Variants in CMC2 observed in about 807,000 individuals in gnomAD.
CMC2 encodes C-X9-C motif containing 2.
CMC2 carries 5 observed loss-of-function variants against 7.5 expected under a neutral mutation model. That is an observed-to-expected ratio of 0.66 (90% confidence interval 0.35 to 1.40). CMC2 has a LOEUF of 1.40. Among genes scored for constraint, CMC2 ranks in the 40% most tolerant of loss-of-function variants. The pLI is 0.04. For missense variants in CMC2, 115 were observed against 92.3 expected (o/e 1.25, Z -1.01); for synonymous variants, 37 against 31.4 (o/e 1.18, Z -0.60).
At chr16:80,996,924 A>G (rs1198672881) in intron 2 of CMC2, 3 of 391,704 alleles carry the variant, frequency 7.7e-6, no homozygotes, top group South Asian at 5.7e-5. Flanking sequence ...TTCTATTACC[A>G]TTAAACACAG....
chr16:80,994,897 G>A (rs1394150830), intron 2 of CMC2, among the ~76,000 whole-genome samples: 1 of 152,172 alleles, frequency 6.6e-6, no homozygotes, highest in Non-Finnish European at 1.5e-5. Context: ...TGTAATCCCA[G>A]CACTTTGGGG....
intron 2 of CMC2, chr16:80,984,230 T>C (rs2151624860): frequency 6.6e-6 from 1 of 152,320 alleles, no homozygotes. Context: ...ATTAGTGTGT[T>C]TGCACTTCAC....
intron 2 of CMC2, among the ~76,000 whole-genome samples, chr16:80,985,495 T>C (rs1967449155): frequency 6.6e-6 from 1 of 152,216 alleles, no homozygotes; most frequent in South Asian, 2.1e-4. Flanking sequence ...CATCTTAACA[T>C]GTAAAATTAT....
chr16:80,993,138 T>C (rs937599044), intron 2 of CMC2, among the ~76,000 whole-genome samples: 2 of 152,234 alleles, frequency 1.3e-5, no homozygotes, highest in African/African-American at 2.4e-5. Flanking sequence ...ATTGTCCCCA[T>C]GCTATTTACT....
At chr16:80,985,362 C>G (rs1320628581) in intron 2 of CMC2, among the ~76,000 whole-genome samples, 1 of 152,104 alleles carries the variant, frequency 6.6e-6, no homozygotes, top group Admixed American at 6.5e-5. Flanking sequence ...TAGAGGCAGA[C>G]ATGAGAATTC....
At chr16:80,993,147 C>G (rs1968140416) in intron 2 of CMC2, among the ~76,000 whole-genome samples, 1 of 152,174 alleles carries the variant, frequency 6.6e-6, no homozygotes. Flanking sequence ...ATGCTATTTA[C>G]TTAAAAATCT....
chr16:80,996,886 C>A (rs1047923179), intron 2 of CMC2: 5 of 304,534 alleles, frequency 1.6e-5, no homozygotes, highest in African/African-American at 4.4e-5. Context: ...AATCATAAAT[C>A]TAGTTAATGT....
intron 2 of CMC2, chr16:80,982,176 A>T (rs1351911066): frequency 3.2e-5 from 7 of 221,414 alleles, no homozygotes; most frequent in Admixed American, 1.2e-4. Context: ...TATCAAAAAA[A>T]TTTAAGAGAA....
chr16:81,006,064 C>T (rs1167393416), intron 1 of CMC2, among the ~76,000 whole-genome samples: 2 of 152,146 alleles, frequency 1.3e-5, no homozygotes, highest in Non-Finnish European at 2.9e-5. Context: ...AATTCCTTTG[C>T]CATCGAAAAC....
In CMC2 at chr16:80,969,816, G is replaced by A. The variant is rs1295236427; in HGVS notation, c.*6277C>T. 1 of 134,020 alleles carries A rather than the reference G, an allele frequency of 7.5e-6. No individual in the cohort carries two copies. Among genetic ancestry groups the A allele is most frequent in the Non-Finnish European group, 1.5e-5 (1 of 65,826 alleles). The allele number at this position is 134,020 out of a possible 1,614,324, so 8.3% of individuals were successfully genotyped here. On this transcript the variant is annotated 3_prime_UTR_variant, in exon 4 of 4. Coordinates refer to ENST00000219400, the MANE Select transcript of CMC2 (RefSeq NM_020188.5). ...GAGGCACAAGAATCACTTGAACCCAGGCAGCAAGGTTGCAGGGAGCCAAGA... is the reference window on the plus strand; with the variant it reads ...GAGGCACAAGAATCACTTGAACCCAAGCAGCAAGGTTGCAGGGAGCCAAGA...
At chr16:80,978,504 C>A in intron 3 of CMC2, 1 of 536,080 alleles carries the variant, frequency 1.9e-6, no homozygotes, top group South Asian at 1.7e-5. Context: ...CAATTAACCC[C>A]AAACCAAACA....
rs1379348004 is a variant in CMC2 at position 80,967,641 on chromosome 16, C to A, written c.*8452G>T. On this transcript the variant is annotated 3_prime_UTR_variant, in exon 4 of 4. Transcript: ENST00000219400. ...GGCGTGAGCCACCTCGCCCAGCCTT[C>A]CTCGTACTTTTCAATATTTGTAGCA... 2.0e-5 allele frequency: 3 copies of A among 152,186 alleles called. No homozygotes were observed. The allele number at this position is 152,186 out of a possible 1,614,324, so 9.4% of individuals were successfully genotyped here.
intron 1 of CMC2, among the ~76,000 whole-genome samples, chr16:80,999,555 G>GA (rs1247121968): frequency 6.6e-6 from 1 of 152,016 alleles, no homozygotes; most frequent in South Asian, 2.1e-4. Context: ...CACACAATTA[G>GA]AAAAAACTAT....
chr16:81,003,208 T>C (rs1275473114), intron 1 of CMC2, among the ~76,000 whole-genome samples: 7 of 152,238 alleles, frequency 4.6e-5, no homozygotes, highest in Non-Finnish European at 1.0e-4. Flanking sequence ...TAAGTGCTGA[T>C]GTCTTCCAGC....
intron 1 of CMC2, among the ~76,000 whole-genome samples, chr16:80,999,198 T>C (rs1021860237): frequency 1.3e-5 from 2 of 152,146 alleles, no homozygotes; most frequent in African/African-American, 4.8e-5. Context: ...CTAAAGACTC[T>C]GCCAAATGAC....
chr16:80,990,776 T>C (rs1194714598), intron 2 of CMC2, among the ~76,000 whole-genome samples: 3 of 152,124 alleles, frequency 2.0e-5, no homozygotes, highest in African/African-American at 7.2e-5. Flanking sequence ...TGGAATGCAG[T>C]GGCACAATCA....
intron 3 of CMC2, among the ~76,000 whole-genome samples, chr16:80,979,323 G>C (rs992004490): frequency 3.3e-5 from 5 of 152,052 alleles, no homozygotes; most frequent in African/African-American, 1.2e-4. Context: ...AATTCAAAGA[G>C]AAAACATGAG....
At chr16:80,978,523 A>T (rs1597211814) in intron 3 of CMC2, 1 of 445,638 alleles carries the variant, frequency 2.2e-6, no homozygotes, top group Non-Finnish European at 3.9e-6. Flanking sequence ...CAAAACAATT[A>T]AGAGGGACAA....
chr16:80,991,359 G>A (rs868499337), intron 2 of CMC2, among the ~76,000 whole-genome samples: 3 of 152,090 alleles, frequency 2.0e-5, no homozygotes, highest in Admixed American at 6.6e-5. Flanking sequence ...ACCTAGCCAC[G>A]TGCAATAGCT....
Sources: gnomAD v4.1 joint callset for allele counts (sites outside exome capture counted in the v4.1 genomes callset) on GRCh38, gnomAD v4.1.1 for gene constraint, MANE v1.5 for transcripts, NCBI Gene and HGNC (gene_info 2026-07-23, HGNC 2026-07-21) for gene names.